The following TMEM231 variants were observed in gnomAD, a reference collection of about 807,000 sequenced individuals.
TMEM231 encodes the protein transmembrane protein 231.
TMEM231 carries 40 observed loss-of-function variants against 38.5 expected under a neutral mutation model. That is an observed-to-expected ratio of 1.04 (90% confidence interval 0.81 to 1.35). The LOEUF (loss-of-function observed/expected upper bound fraction) is 1.35, where lower values mean the gene tolerates loss of function less well. TMEM231 is among the 40% of genes most tolerant of loss of function. The probability of loss-of-function intolerance (pLI) is 0.00; values close to 1 mark genes in which losing one functional copy is unlikely to be tolerated. For synonymous variants in TMEM231, 199 were observed against 181.7 expected, an observed-to-expected ratio of 1.10 and a Z score of -0.77; for missense variants, 420 against 416.9, an observed-to-expected ratio of 1.01 and a Z score of -0.07.
At chr16:75,548,759 C>A (rs1158905069) in intron 2 of TMEM231, among the ~76,000 whole-genome samples, 15 of 152,088 alleles carry the variant, frequency 9.9e-5, no homozygotes, top group Admixed American at 9.8e-4. Context: ...ATCCCAGCTA[C>A]TAGGGAGGCT....
intron 2 of TMEM231, among the ~76,000 whole-genome samples, chr16:75,554,669 A>G (rs574746216): frequency 1.1e-3 from 168 of 152,366 alleles, no homozygotes; most frequent in African/African-American, 3.8e-3. Flanking sequence ...GTATTGATAC[A>G]TATACAAAAC....
At chr16:75,555,690 T>C (rs2080801868) in intron 2 of TMEM231, 114 bp downstream of exon 2, 1 of 1,158,886 alleles carries the variant, frequency 8.6e-7, no homozygotes, top group Non-Finnish European at 1.2e-6. Context: ...CGCGAGTCCT[T>C]AGGATCAAAG....
rs761239299 is a variant in TMEM231, at chr16:75,556,182, G to A, written c.28C>T (p.Pro10Ser). 20 of 1,520,168 alleles carry A rather than the reference G, an allele frequency of 1.3e-5. No individual in the cohort carries two copies. Among genetic ancestry groups the A allele is most frequent in the Non-Finnish European group, 1.8e-5 (20 of 1,138,410 alleles). The allele number at this position is 1,520,168 out of a possible 1,614,324, so 94.2% of individuals were successfully genotyped here. ...CCCGCGCGGTAACTGCGCTCGACCG[G>A]GTGAGAGAAGAGCTCATAGAGCGCC... Reference protein sequence around the residue: MALYELFSHPVERSYRAGLC... With the variant: MALYELFSHSVERSYRAGLC... Residue 10 changes from proline (P) to serine (S), a missense_variant, in exon 1 of 7, where the codon CCG becomes TCG. Physicochemically the swap from Pro to Ser is moderately conservative, Grantham distance 74. Transcript: ENST00000258173.
chr16:75,545,927 C>T lies in TMEM231; in HGVS notation c.337G>A (p.Gly113Arg). 1 of 1,526,246 alleles carries T rather than the reference C, an allele frequency of 6.6e-7. No individual in the cohort carries two copies. Among genetic ancestry groups the T allele is most frequent in the South Asian group, 1.2e-5 (1 of 81,750 alleles). The allele number at this position is 1,526,246 out of a possible 1,614,324, so 94.5% of individuals were successfully genotyped here. A position where few individuals can be genotyped will look rare whatever the true frequency, so the allele number is the denominator to read the frequency against. ...TTAAAATGTAACATGTCCGTCTTCC[C>T]ATCCTGGTTCCTGTCTTCTTCTCTA... ...STREEDRNQDGKTDMLHFKLE... is the reference protein window; with the variant it reads ...STREEDRNQDRKTDMLHFKLE... Residue 113 changes from glycine to arginine, a missense_variant, in exon 3 of 7, where the codon GGG (glycine) becomes AGG (arginine). Coordinates refer to ENST00000258173, the MANE Select transcript of TMEM231 (RefSeq NM_001077418.3).
At chr16:75,541,318 C>A in intron 6 of TMEM231, 32 bp downstream of exon 6, 1 of 1,531,808 alleles carries the variant, frequency 6.5e-7, no homozygotes, top group Non-Finnish European at 8.9e-7. Context: ...CCACATCCAG[C>A]CTTAACATGG....
At chr16:75,554,957 A>T (rs1440668411) in intron 2 of TMEM231, 1 of 152,220 alleles carries the variant, frequency 6.6e-6, no homozygotes, top group East Asian at 1.9e-4. Flanking sequence ...GTTGCTGGGA[A>T]CAAGTCTGAT....
At chr16:75,541,592 G>T (rs150923236) in intron 5 of TMEM231, 137 bp from the exon 6 acceptor site, 3 of 511,650 alleles carry the variant, frequency 5.9e-6, no homozygotes, top group Non-Finnish European at 1.0e-5. Flanking sequence ...AAGAGAAATT[G>T]CATGTGCAAA....
At chr16:75,546,356 A>G (rs567788653) in intron 2 of TMEM231, among the ~76,000 whole-genome samples, 2 of 152,354 alleles carry the variant, frequency 1.3e-5, no homozygotes, top group African/African-American at 4.8e-5. Flanking sequence ...CTAGAAGTCA[A>G]CTTGTTAAAA....
chr16:75,555,034 T>C (rs2080795855), intron 2 of TMEM231: 1 of 152,072 alleles, frequency 6.6e-6, no homozygotes, highest in Non-Finnish European at 1.5e-5. Context: ...TCTGAAGAGA[T>C]TCGAATTTGA....
rs371734111 is a variant in TMEM231, at chr16:75,542,692, C to A, written c.583-9G>T. The A allele has an allele frequency of 6.2e-7, 1 of 1,613,392 alleles. No individual in the cohort carries two copies. The highest frequency in any genetic ancestry group is 8.5e-7 in the Non-Finnish European group (1 of 1,179,570). On this transcript the variant is annotated splice_polypyrimidine_tract_variant and intron_variant, in intron 4 of 6. Coordinates refer to ENST00000258173, the MANE Select transcript of TMEM231 (RefSeq NM_001077418.3). ...CCGTTGATCACGGATATCTGGGACA[C>A]GGGAGGAGGATGTGGTGTGAGCACC...
rs1371266611 is a variant in TMEM231 at position 75,541,274 on chromosome 16, C to T, written c.770+76G>A. ...GGTTCAAATGATCCTCCCACCTTGG[C>T]CTCCCAAAGTGCTGAAATTATAGGC... On this transcript the variant is annotated intron_variant, in intron 6 of 6. Coordinates refer to ENST00000258173, the MANE Select transcript of TMEM231 (RefSeq NM_001077418.3). The T allele has an allele frequency of 1.3e-5, 14 of 1,063,508 alleles. No individual in the cohort carries two copies. The Admixed American group carries it at 3.5e-4, about 27-fold the overall frequency. The allele number at this position is 1,063,508 out of a possible 1,614,324, so 65.9% of individuals were successfully genotyped here. A position where few individuals can be genotyped will look rare whatever the true frequency, so the allele number is the denominator to read the frequency against.
In TMEM231 at chr16:75,545,016, C is replaced by T. The variant is rs1041634290; in HGVS notation, c.582+336G>A. 3.8e-5 allele frequency among the ~76,000 whole-genome samples: 5 copies of T among 131,034 alleles called. No homozygotes were observed. In the Admixed American group the frequency reaches 4.8e-4, roughly 13 times the overall value. The allele number at this position is 131,034 out of a possible 152,430, so 86.0% of individuals were successfully genotyped here. On this transcript the variant is annotated intron_variant, in intron 4 of 6. Transcript: ENST00000258173. ...TGTTGCCCAGGCTGGAGTGCAGTGGCGAGATCTCAGCTCACTGTAACCTCC... is the reference window on the plus strand; with the variant it reads ...TGTTGCCCAGGCTGGAGTGCAGTGGTGAGATCTCAGCTCACTGTAACCTCC...
At chr16:75,543,256 A>G (rs933291248) in intron 4 of TMEM231, among the ~76,000 whole-genome samples, 3 of 151,524 alleles carry the variant, frequency 2.0e-5, no homozygotes, top group Non-Finnish European at 4.4e-5. Flanking sequence ...TCATCTCTCA[A>G]AAAAAAATAA....
At chr16:75,545,597 C>T in intron 3 of TMEM231, 102 bp from the exon 4 acceptor site, 4 of 797,120 alleles carry the variant, frequency 5.0e-6, no homozygotes, top group Non-Finnish European at 7.6e-6. Context: ...GAGGCCCTCA[C>T]ATACCTAGCG....
chr16:75,549,595 C>G (rs918196780), intron 2 of TMEM231, among the ~76,000 whole-genome samples: 1 of 152,112 alleles, frequency 6.6e-6, no homozygotes, highest in Non-Finnish European at 1.5e-5. Flanking sequence ...CAGGGCTCTT[C>G]TATAATAGCT....
At chr16:75,555,479 C>T (rs188418883) in intron 2 of TMEM231, 1 of 337,824 alleles carries the variant, frequency 3.0e-6, no homozygotes, top group Non-Finnish European at 5.3e-6. Context: ...TGGACTTTCA[C>T]AAACACCCTC....
intron 6 of TMEM231, among the ~76,000 whole-genome samples, 194 bp from the exon 7 acceptor site, chr16:75,540,368 G>A (rs932818167): frequency 2.6e-5 from 4 of 152,194 alleles, no homozygotes; most frequent in African/African-American, 7.2e-5. Flanking sequence ...TATATACCAA[G>A]CCTGATGACC....
intron 4 of TMEM231, among the ~76,000 whole-genome samples, chr16:75,544,897 C>G (rs1187981787): frequency 6.6e-6 from 1 of 151,162 alleles, no homozygotes; most frequent in South Asian, 2.1e-4. Flanking sequence ...TACAGAGACC[C>G]TCTTTGGTGC....
rs567782113 is a variant in TMEM231 at position 75,540,450 on chromosome 16, C to T, written c.771-276G>A. ...AGAGATATCCTGAGCTGTTAACCAG[C>T]CATCCATCCATCTTCTAAAATCTTC... On this transcript the variant is annotated intron_variant, in intron 6 of 6. Coordinates refer to ENST00000258173, the MANE Select transcript of TMEM231 (RefSeq NM_001077418.3). Among the ~76,000 whole-genome samples the T allele has an allele frequency of 9.8e-5, 15 of 152,338 alleles. 1 individual carries two copies. In the South Asian group the frequency reaches 3.1e-3, roughly 32 times the overall value.
Sources: allele counts gnomAD v4.1 joint callset (sites outside exome capture counted in the v4.1 genomes callset), GRCh38; gene constraint gnomAD v4.1.1; transcripts MANE v1.5; gene names NCBI Gene and HGNC (gene_info 2026-07-23, HGNC 2026-07-21).